Variants in PRELID2 observed in about 807,000 individuals in gnomAD.
PRELID2 encodes PRELI domain containing 2, also known as PRELI domain-containing protein 2.
In PRELID2, 25 loss-of-function variants were observed where a neutral mutation model predicts 28.4. The ratio of observed to expected loss-of-function variants is 0.88; its 90% CI spans 0.64 to 1.23. The LOEUF (loss-of-function observed/expected upper bound fraction) is 1.23. PRELID2 is among the 50% of genes most tolerant of loss of function. The pLI, the probability that PRELID2 is intolerant of heterozygous loss-of-function variation, is 0.00. For synonymous variants in PRELID2, 76 were observed against 71.6 expected, an observed-to-expected ratio of 1.06 and a Z score of -0.31; for missense variants, 201 against 214.4, an observed-to-expected ratio of 0.94 and a Z score of 0.39.
At chr5:145,781,917 A>T (rs1394794688) in intron 5 of PRELID2, among the ~76,000 whole-genome samples, 1 of 151,864 alleles carries the variant, frequency 6.6e-6, no homozygotes, top group Non-Finnish European at 1.5e-5. Flanking sequence ...GTGGCCACAA[A>T]TTCCTATTTT....
At chr5:145,377,330 T>C in the PRELID2 span, among the ~76,000 whole-genome samples, 1 of 152,126 alleles carries the variant, frequency 6.6e-6, no homozygotes, top group Non-Finnish European at 1.5e-5. Flanking sequence ...TTTTAGAGTA[T>C]GTGCAGATAA....
the PRELID2 span, among the ~76,000 whole-genome samples, chr5:145,269,835 T>C: frequency 1.3e-5 from 2 of 148,958 alleles, no homozygotes; most frequent in South Asian, 4.2e-4. Context: ...ATGCCACTTT[T>C]ATAGACTGAG....
At chr5:145,429,574 A>C in the PRELID2 span, among the ~76,000 whole-genome samples, 2 of 152,326 alleles carry the variant, frequency 1.3e-5, no homozygotes, top group South Asian at 4.1e-4. Flanking sequence ...ATACAGGATG[A>C]GATTACGTAG....
the PRELID2 span, among the ~76,000 whole-genome samples, chr5:145,318,699 T>C: frequency 6.6e-6 from 1 of 152,138 alleles, no homozygotes; most frequent in African/African-American, 2.4e-5. Flanking sequence ...CCCATGGTAG[T>C]GTCTAGGGGT....
At chr5:145,610,851 A>C (rs1417150835) in intron 1 of PRELID2, among the ~76,000 whole-genome samples, 1 of 152,100 alleles carries the variant, frequency 6.6e-6, no homozygotes, top group Admixed American at 6.5e-5. Context: ...AGTTAATCAC[A>C]ACAGGTCAAA....
chr5:145,506,320 A>G (rs1752411367), intron 1 of PRELID2, among the ~76,000 whole-genome samples: 1 of 152,258 alleles, frequency 6.6e-6, no homozygotes, highest in Non-Finnish European at 1.5e-5. Context: ...ACTAGGATAC[A>G]TAACAAACCA....
intron 1 of PRELID2, among the ~76,000 whole-genome samples, chr5:145,547,241 C>A (rs574369485): frequency 2.0e-5 from 3 of 152,218 alleles, no homozygotes; most frequent in African/African-American, 7.2e-5. Flanking sequence ...TTAATCTTCA[C>A]GAAAAAGTCC....
At chr5:145,660,528 A>G (rs959037252) in intron 1 of PRELID2, among the ~76,000 whole-genome samples, 1 of 152,146 alleles carries the variant, frequency 6.6e-6, no homozygotes, top group African/African-American at 2.4e-5. Context: ...GAAAAAATGC[A>G]CTCACTCAAT....
intron 1 of PRELID2, among the ~76,000 whole-genome samples, chr5:145,612,080 T>C (rs1027717511): frequency 5.9e-5 from 9 of 152,278 alleles, no homozygotes; most frequent in African/African-American, 2.2e-4. Flanking sequence ...CAATTGGACA[T>C]CCATATGTAA....
the PRELID2 span, among the ~76,000 whole-genome samples, chr5:145,319,720 TAA>T: frequency 6.7e-6 from 1 of 149,162 alleles, no homozygotes; most frequent in African/African-American, 2.6e-5. Context: ...AATAAATAAA[TAA>T]ATAAATAATT....
the PRELID2 span, among the ~76,000 whole-genome samples, chr5:145,299,788 G>C: frequency 1.3e-5 from 2 of 151,904 alleles, no homozygotes; most frequent in East Asian, 3.9e-4. Flanking sequence ...GTGATATGGT[G>C]ATAATTTCTT....
At chr5:145,256,305 C>A in the PRELID2 span, among the ~76,000 whole-genome samples, 1 of 151,986 alleles carries the variant, frequency 6.6e-6, no homozygotes, top group East Asian at 1.9e-4. Context: ...GATTTATTAG[C>A]ATATTTATTA....
At chr5:145,799,308 T>A (rs1381402837) in intron 4 of PRELID2, among the ~76,000 whole-genome samples, 1 of 150,934 alleles carries the variant, frequency 6.6e-6, no homozygotes, top group African/African-American at 2.4e-5. Flanking sequence ...AATTAAGATG[T>A]TCCTAAATAA....
At chr5:145,808,717 C>A (rs903287447) in intron 4 of PRELID2, among the ~76,000 whole-genome samples, 2 of 151,586 alleles carry the variant, frequency 1.3e-5, no homozygotes, top group Admixed American at 6.6e-5. Flanking sequence ...CACCCTGTCT[C>A]TACAAAAAAG....
At chr5:145,691,082 A>T (rs772940713) in intron 1 of PRELID2, among the ~76,000 whole-genome samples, 1 of 152,218 alleles carries the variant, frequency 6.6e-6, no homozygotes, top group African/African-American at 2.4e-5. Context: ...GAAATTGTTT[A>T]TAATAATCTT....
At chr5:145,742,624 C>A (rs1756866880) in intron 1 of PRELID2, among the ~76,000 whole-genome samples, 1 of 148,274 alleles carries the variant, frequency 6.7e-6, no homozygotes, top group African/African-American at 2.5e-5. Flanking sequence ...GAATTTATAG[C>A]ACTATATGCA....
intron 5 of PRELID2, among the ~76,000 whole-genome samples, chr5:145,790,719 G>GTGTGTGTGTGTGTA (rs1554095006): frequency 1.7e-5 from 1 of 57,152 alleles, no homozygotes; most frequent in East Asian, 7.4e-4. Flanking sequence ...GTGTGTGTGT[G>GTGTGTGTGTGTGTA]TGTATATATA....
the PRELID2 span, among the ~76,000 whole-genome samples, chr5:145,346,256 T>C: frequency 3.3e-5 from 5 of 152,102 alleles, no homozygotes; most frequent in Non-Finnish European, 5.9e-5. Context: ...AACTCAGGAT[T>C]CCAAAAAAGA....
chr5:145,764,539 C>T (rs1462180771), intron 6 of PRELID2, among the ~76,000 whole-genome samples: 1 of 152,186 alleles, frequency 6.6e-6, no homozygotes, highest in African/African-American at 2.4e-5. Context: ...ATCAACATGC[C>T]CCTTCCTTGT....
Sources: gnomAD v4.1 joint callset for allele counts (sites outside exome capture counted in the v4.1 genomes callset) on GRCh38, gnomAD v4.1.1 for gene constraint, MANE v1.5 for transcripts, NCBI Gene and HGNC (gene_info 2026-07-23, HGNC 2026-07-21) for gene names.